The following TNXB variants were observed in gnomAD, a reference collection of about 807,000 sequenced individuals.
The protein encoded by TNXB is tenascin XB.
Under a neutral mutation model 340.5 loss-of-function variants are expected in TNXB, and 183 were observed. That is an observed-to-expected ratio of 0.54 (90% CI 0.48 to 0.61). The LOEUF is 0.61. TNXB is among the 20% of genes least tolerant of loss of function. The pLI, the probability that TNXB is intolerant of heterozygous loss-of-function variation, is 0.00. For missense variants in TNXB, 4,613 were observed against 5,446.4 expected (o/e 0.85, Z 4.82); for synonymous variants, 2,121 against 2,314.5 (o/e 0.92, Z 2.40).
At position 32,043,901 on chromosome 6, in the gene TNXB, A is replaced by T; in HGVS notation, c.11387-9T>A. 1.9e-6 allele frequency: 3 copies of T among 1,612,758 alleles called. No homozygotes were observed. The highest frequency in any genetic ancestry group is 1.7e-6 in the Non-Finnish European group (2 of 1,179,498). Reference sequence around the variant, plus strand: ...CACACTCTGAGGCTCCCCTGAAAACATTGGGGATCGAGGGTTACCCAGGGA... The same window carrying T: ...CACACTCTGAGGCTCCCCTGAAAACTTTGGGGATCGAGGGTTACCCAGGGA... On this transcript the variant is annotated splice_polypyrimidine_tract_variant and intron_variant, in intron 34 of 43. Coordinates refer to ENST00000644971, the MANE Select transcript of TNXB (RefSeq NM_001365276.2).
rs1358690659 is a variant in TNXB at position 32,052,614 on chromosome 6, A to C, written c.9115+56T>G. On this transcript the variant is annotated intron_variant, in intron 26 of 43. Coordinates refer to ENST00000644971, the MANE Select transcript of TNXB (RefSeq NM_001365276.2). The surrounding 1 kb of genome is among the most constrained non-coding windows in gnomAD (Gnocchi z 4.7). Reference sequence around the variant, plus strand: ...GTATGTTTTCACGAAGACTGGAGAGACAGCAGTGTCTTCCAGGGCCATCTT... The same window carrying C: ...GTATGTTTTCACGAAGACTGGAGAGCCAGCAGTGTCTTCCAGGGCCATCTT... 18 of 1,584,520 alleles carry C rather than the reference A, an allele frequency of 1.1e-5. No individual in the cohort carries two copies. Among genetic ancestry groups the C allele is most frequent in the Non-Finnish European group, 1.6e-5 (18 of 1,158,238 alleles).
intron 24 of TNXB, among the ~76,000 whole-genome samples, chr6:32,054,431 A>AGATAC (rs1417050813): frequency 1.2e-4 from 18 of 152,146 alleles, no homozygotes; most frequent in Admixed American, 3.3e-4. Flanking sequence ...CTTCAGGATG[A>AGATAC]TCCACCAACT....
Position 32,079,106 on chromosome 6 carries a change from G to GT in TNXB, c.4301dup (p.His1434GlnfsTer37). ...GGCCGTACAGGTGCATCTTGTACTT[G>GT]TGCCCGGGCTCTAGGCCTCCCACGG... On this transcript the variant is annotated frameshift_variant, in exon 11 of 44. Transcript: ENST00000644971. LOFTEE classifies it high-confidence loss of function. This position sits in a 1 kb window ranked among gnomAD's most constrained non-coding sequence, Gnocchi z 7.1. 6.2e-7 allele frequency: 1 copy of GT among 1,613,744 alleles called. No individual in the cohort carries two copies. Among genetic ancestry groups the GT allele is most frequent in the Non-Finnish European group, 8.5e-7 (1 of 1,179,880 alleles).
In TNXB at chr6:32,067,880, CAG is replaced by C; in HGVS notation, c.6323_6324del (p.Pro2108ArgfsTer39). The C allele has an allele frequency of 6.2e-7, 1 of 1,612,882 alleles. No homozygotes were observed. The highest frequency in any genetic ancestry group is 8.5e-7 in the Non-Finnish European group (1 of 1,179,876). ...LGELTVTGSS[P>X]DSLSLSWTVP... ...ACGGTCCAGGAGAGGCTCAGCGAGT[CAG>C]GGGAGGATCCTGTCACTGTTAGCTC... On this transcript the variant is annotated frameshift_variant, in exon 18 of 44. Transcript: ENST00000644971. LOFTEE classifies it high-confidence loss of function. The surrounding 1 kb of genome is among the most constrained non-coding windows in gnomAD (Gnocchi z 4.2).
chr6:32,064,876 C>A lies in TNXB; in HGVS notation c.6786G>T (p.Leu2262=), dbSNP rs530368633. The A allele has an allele frequency of 4.3e-6, 7 of 1,612,522 alleles. No individual in the cohort carries two copies. The Admixed American group carries it at 6.7e-5, about 15-fold the overall frequency. The change falls in exon 19 of 44, where the codon CTG becomes CTT. Residue 2262 remains leucine, a synonymous_variant. Transcript: ENST00000644971. This position sits in a 1 kb window ranked among gnomAD's most constrained non-coding sequence, Gnocchi z 5.3. The part of the protein sequence containing the change: ...LEPDHKYKMN[L]YGFHGGQRVG... Reference sequence around the variant, plus strand: ...CGCGCTGGCCACCGTGGAAGCCGTACAGGTTCATCTTGTACTTGTGGTCTG... The same window carrying A: ...CGCGCTGGCCACCGTGGAAGCCGTAAAGGTTCATCTTGTACTTGTGGTCTG...
chr6:32,066,262 C>T (rs140243480), intron 18 of TNXB, among the ~76,000 whole-genome samples: 101 of 152,154 alleles, frequency 6.6e-4, no homozygotes, highest in African/African-American at 1.5e-3. Flanking sequence ...AGTGTGGTGG[C>T]GAGCACCTGT....
intron 4 of TNXB, 150 bp downstream of exon 4, chr6:32,094,926 T>C: frequency 1.6e-6 from 1 of 643,730 alleles, no homozygotes; most frequent in South Asian, 1.9e-5. Context: ...GTGCCCAGTG[T>C]CAAGCAGGCT....
intron 22 of TNXB, among the ~76,000 whole-genome samples, chr6:32,057,611 C>G (rs1455508539): frequency 6.6e-6 from 1 of 151,468 alleles, no homozygotes; most frequent in Non-Finnish European, 1.5e-5. Context: ...CCCTCCTCTG[C>G]TCCCACACTT....
At position 32,042,744 on chromosome 6, in the gene TNXB, A is replaced by G; in HGVS notation, c.12013T>C (p.Trp4005Arg). The change falls in exon 39 of 44, where the codon TGG (tryptophan) becomes CGG (arginine). Residue 4005 changes from tryptophan (W) to arginine (R), a missense_variant. Trp to Arg is a moderately radical substitution (Grantham distance 101). This residue lies in a region of TNXB where 121 missense variants were observed against 177.4 expected (regional missense o/e 0.68). Coordinates refer to ENST00000644971, the MANE Select transcript of TNXB (RefSeq NM_001365276.2). ...TSYNARLQAMWGQSLLPPVST... is the reference protein window; with the variant it reads ...TSYNARLQAMRGQSLLPPVST... ...ACGGGCGGCAGGAGGCTCTGGCCCC[A>G]CATGGCCTGGAGCCGTGCATTGTAG... 2 of 840,692 alleles carry G rather than the reference A, an allele frequency of 2.4e-6. No individual in the cohort carries two copies. The allele number at this position is 840,692 out of a possible 1,614,324, so 52.1% of individuals were successfully genotyped here. A position where few individuals can be genotyped will look rare whatever the true frequency, so the allele number is the denominator to read the frequency against.
Position 32,097,681 on chromosome 6 carries a change from C to T in TNXB, c.403+115G>A. The T allele has an allele frequency of 3.9e-6, 5 of 1,280,472 alleles. No homozygotes were observed. Among genetic ancestry groups the T allele is most frequent in the Non-Finnish European group, 5.2e-6 (5 of 955,542 alleles). The allele number at this position is 1,280,472 out of a possible 1,614,324, so 79.3% of individuals were successfully genotyped here. A position where few individuals can be genotyped will look rare whatever the true frequency, so the allele number is the denominator to read the frequency against. On this transcript the variant is annotated intron_variant, in intron 2 of 43. Coordinates refer to ENST00000644971, the MANE Select transcript of TNXB (RefSeq NM_001365276.2). The surrounding 1 kb of genome is among the most constrained non-coding windows in gnomAD (Gnocchi z 5.9). The stretch of plus-strand genomic sequence containing the variant: ...CAAGTTGTGTTCTGGGCTGCATCCA[C>T]ACCCCTCATGGTGAGGAAGGAGTGC...
In TNXB at chr6:32,072,114, G is replaced by A. The variant is rs571254395; in HGVS notation, c.4866C>T (p.Pro1622=). Residue 1622 remains proline (P), a synonymous_variant, in exon 13 of 44, where the codon CCC becomes CCT. Transcript: ENST00000644971. This position sits in a 1 kb window ranked among gnomAD's most constrained non-coding sequence, Gnocchi z 4.4. ...KDRDGQPQVV[P]VAADQREVTI... ...TGACCTCCCGCTGATCTGCAGCCAC[G>A]GGCACCACCTGGGGCTGCCCGTCCC... The A allele has an allele frequency of 3.0e-5, 49 of 1,612,976 alleles. No individual in the cohort carries two copies. The highest frequency in any genetic ancestry group is 2.5e-4 in the African/African-American group (19 of 75,002).
intron 1 of TNXB, among the ~76,000 whole-genome samples, chr6:32,098,435 T>C (rs1419933924): frequency 6.6e-6 from 1 of 152,054 alleles, no homozygotes; most frequent in African/African-American, 2.4e-5. Context: ...CCCTTTTCTA[T>C]TGTGTTCCCC....
chr6:32,107,450 C>A (rs1158089201), intron 1 of TNXB, among the ~76,000 whole-genome samples: 1 of 152,130 alleles, frequency 6.6e-6, no homozygotes, highest in Non-Finnish European at 1.5e-5. Flanking sequence ...CATTCCAGCT[C>A]CTGGGATAAT....
intron 24 of TNXB, among the ~76,000 whole-genome samples, chr6:32,054,171 A>AG (rs1459318380): frequency 6.6e-6 from 1 of 151,600 alleles, no homozygotes; most frequent in Non-Finnish European, 1.5e-5. Flanking sequence ...GTTTCCCTGG[A>AG]TACCTTCCTC....
chr6:32,077,603 G>A (rs968094829), intron 11 of TNXB, among the ~76,000 whole-genome samples: 7 of 152,228 alleles, frequency 4.6e-5, no homozygotes, highest in Non-Finnish European at 1.0e-4. Context: ...CTCTTGGGCT[G>A]AGGCCCTGGA....
intron 29 of TNXB, 116 bp downstream of exon 29, chr6:32,048,247 C>G: frequency 8.2e-7 from 1 of 1,219,882 alleles, no homozygotes; most frequent in Non-Finnish European, 1.1e-6. Flanking sequence ...TTTTCCTGGA[C>G]CCAATAAATC....
chr6:32,106,870 G>A (rs1582499892), intron 1 of TNXB, among the ~76,000 whole-genome samples: 1 of 152,324 alleles, frequency 6.6e-6, no homozygotes, highest in East Asian at 1.9e-4. Flanking sequence ...GTGTACACAT[G>A]TACACTTACA....
At chr6:32,104,918 T>C (rs1335658228) in intron 1 of TNXB, among the ~76,000 whole-genome samples, 2 of 152,222 alleles carry the variant, frequency 1.3e-5, no homozygotes, top group African/African-American at 4.8e-5. Flanking sequence ...ATTACAGGCG[T>C]GAGCCACTGT....
intron 21 of TNXB, among the ~76,000 whole-genome samples, chr6:32,059,920 T>C (rs1022559845): frequency 6.6e-6 from 1 of 152,094 alleles, no homozygotes; most frequent in Non-Finnish European, 1.5e-5. Flanking sequence ...CATAACAACC[T>C]GGCTGAGGAT....
Sources: gnomAD v4.1 joint callset for allele counts (sites outside exome capture counted in the v4.1 genomes callset) on GRCh38, gnomAD v4.1.1 for gene constraint, gnomAD v4.1.1 regional missense constraint, Gnocchi (gnomAD v3.1) non-coding constraint, MANE v1.5 for transcripts, NCBI Gene and HGNC (gene_info 2026-07-23, HGNC 2026-07-21) for gene names.